The following DBT variants were observed in gnomAD, a reference collection of about 807,000 sequenced individuals.
DBT encodes the protein lipoamide acyltransferase component of branched-chain alpha-keto acid dehydrogenase complex, mitochondrial.
In DBT, 40 loss-of-function variants were observed where a neutral mutation model predicts 51.3. That is an observed-to-expected ratio of 0.78 (90% CI 0.61 to 1.02). The LOEUF is 1.02. Ranked by LOEUF, DBT falls within the 50% of genes least tolerant of loss-of-function variation. The pLI, the probability that DBT is intolerant of heterozygous loss-of-function variation, is 0.00. For synonymous variants in DBT, 181 were observed against 190.4 expected (o/e 0.95, Z 0.41); for missense variants, 510 against 580.2 (o/e 0.88, Z 1.24).
At chr1:100,216,871 CT>C (rs1662525586) in intron 5 of DBT, among the ~76,000 whole-genome samples, 1 of 152,064 alleles carries the variant, frequency 6.6e-6, no homozygotes, top group South Asian at 2.1e-4. Context: ...AACATAAAAG[CT>C]TGGAATGATC....
intron 4 of DBT, among the ~76,000 whole-genome samples, chr1:100,223,875 AT>A (rs1436635633): frequency 1.3e-5 from 2 of 151,992 alleles, no homozygotes; most frequent in African/African-American, 4.8e-5. Context: ...TCAACTTGTC[AT>A]TTTTTTTAAT....
chr1:100,236,961 G>A (rs1027093530), intron 2 of DBT, among the ~76,000 whole-genome samples: 16 of 152,226 alleles, frequency 1.1e-4, no homozygotes, highest in Admixed American at 8.5e-4. Context: ...TCCTAAAGGT[G>A]ATCAGGACCC....
chr1:100,215,525 C>T (rs1662423803), intron 6 of DBT, among the ~76,000 whole-genome samples: 1 of 152,100 alleles, frequency 6.6e-6, no homozygotes, highest in East Asian at 1.9e-4. Flanking sequence ...GCTATTTCAC[C>T]ATTTAAAAAT....
Position 100,240,876 on chromosome 1 carries a change from A to G in DBT, c.60T>C (p.Val20=). ...WSRNAGKLIC[V]RYFQTCGNVH... is the part of the protein sequence containing the mutation. ...CATTACCACATGTTTGAAAATAGCG[A>G]ACACAAATCTACAGATGAGAAAACA... Residue 20 remains valine, a synonymous_variant, in exon 2 of 11, where the codon GTT becomes GTC. Coordinates refer to ENST00000370132, the MANE Select transcript of DBT (RefSeq NM_001918.5). 1 of 1,613,592 alleles carries G rather than the reference A, an allele frequency of 6.2e-7. No individual in the cohort carries two copies. Among genetic ancestry groups the G allele is most frequent in the Non-Finnish European group, 8.5e-7 (1 of 1,179,628 alleles).
chr1:100,199,137 T>A (rs923697234), intron 10 of DBT, among the ~76,000 whole-genome samples: 1 of 152,182 alleles, frequency 6.6e-6, no homozygotes, highest in Non-Finnish European at 1.5e-5. Context: ...AGCTCCCGTA[T>A]GATTCTAACA....
In DBT at chr1:100,196,256, C is replaced by T. The variant is rs121965000; in HGVS notation, c.1448G>A (p.Ter483=). The change falls in exon 11 of 11, where the codon TGA becomes TAA. Residue 483 remains the stop codon, a stop_retained_variant. Coordinates refer to ENST00000370132, the MANE Select transcript of DBT (RefSeq NM_001918.5). ...AGTTCAAGAATGTCTTATCAGTCTT[C>T]ATTTCAGATCTAGTAGCATAAAAGC... ...NPAFMLLDLK[*] is the part of the protein sequence containing the mutation. 6.2e-7 allele frequency: 1 copy of T among 1,613,580 alleles called. No homozygotes were observed. Among genetic ancestry groups the T allele is most frequent in the South Asian group, 1.1e-5 (1 of 91,054 alleles).
chr1:100,225,026 A>AAAG (rs1663088711), intron 4 of DBT, among the ~76,000 whole-genome samples: 1 of 82,566 alleles, frequency 1.2e-5, no homozygotes, highest in African/African-American at 5.3e-5. Context: ...TCCCCCCAAA[A>AAAG]AAAAAAAAAA....
chr1:100,218,431 G>C (rs1267675853), intron 5 of DBT, among the ~76,000 whole-genome samples, 195 bp downstream of exon 5: 1 of 152,160 alleles, frequency 6.6e-6, no homozygotes, highest in Non-Finnish European at 1.5e-5. Flanking sequence ...CTGCTCAATT[G>C]ATAGTAAGTA....
intron 10 of DBT, among the ~76,000 whole-genome samples, chr1:100,200,429 C>G (rs1434287809): frequency 6.6e-6 from 1 of 152,220 alleles, no homozygotes; most frequent in African/African-American, 2.4e-5. Context: ...GATAAAACTC[C>G]CATCTCCCTG....
intron 10 of DBT, among the ~76,000 whole-genome samples, chr1:100,204,147 G>C (rs759461959): frequency 6.6e-6 from 1 of 152,154 alleles, no homozygotes; most frequent in African/African-American, 2.4e-5. Context: ...TCTATAGGAA[G>C]AGAGGAAGTC....
intron 2 of DBT, among the ~76,000 whole-genome samples, chr1:100,236,586 A>G (rs1663881734): frequency 6.6e-6 from 1 of 152,214 alleles, no homozygotes; most frequent in African/African-American, 2.4e-5. Flanking sequence ...GTCCTCTCAC[A>G]GCTTGCTGAT....
chr1:100,213,787 C>T lies in DBT; in HGVS notation c.939+1030G>A, dbSNP rs1414371631. ...ACTGTTTTGTAAAGCGAGGTGGGAC[C>T]GATGTGGCACACGCCAGCTGCGGTT... is the stretch of plus-strand genomic sequence containing the variant. On this transcript the variant is annotated intron_variant, in intron 7 of 10. Coordinates refer to ENST00000370132, the MANE Select transcript of DBT (RefSeq NM_001918.5). 4 of 1,452,460 alleles carry T rather than the reference C, an allele frequency of 2.8e-6. No homozygotes were observed. The East Asian group carries it at 7.5e-5, about 27-fold the overall frequency. 90.0% of individuals were successfully genotyped at this position (1,452,460 alleles called of 1,614,324 possible). A position where few individuals can be genotyped will look rare whatever the true frequency, so the allele number is the denominator to read the frequency against.
intron 2 of DBT, among the ~76,000 whole-genome samples, chr1:100,238,237 C>T (rs1002989177): frequency 5.1e-5 from 7 of 137,154 alleles, no homozygotes; most frequent in Admixed American, 1.5e-4. Context: ...TCCCTTCCTT[C>T]CCTCACTTCC....
At chr1:100,232,495 CTA>C (rs781013908) in intron 3 of DBT, among the ~76,000 whole-genome samples, 12 of 152,120 alleles carry the variant, frequency 7.9e-5, no homozygotes, top group Non-Finnish European at 1.6e-4. Context: ...AAAAAAAATC[CTA>C]TCTGATTTAC....
At position 100,196,246 on chromosome 1, in the gene DBT, T is replaced by C. The variant is rs1347796492; in HGVS notation, c.*9A>G. Reference sequence around the variant, plus strand: ...AAGCTCAAAAAGTTCAAGAATGTCTTATCAGTCTTCATTTCAGATCTAGTA... The same window carrying C: ...AAGCTCAAAAAGTTCAAGAATGTCTCATCAGTCTTCATTTCAGATCTAGTA... On this transcript the variant is annotated 3_prime_UTR_variant, in exon 11 of 11. Transcript: ENST00000370132. 1 of 1,612,778 alleles carries C rather than the reference T, an allele frequency of 6.2e-7. No homozygotes were observed. Among genetic ancestry groups the C allele is most frequent in the Non-Finnish European group, 8.5e-7 (1 of 1,179,058 alleles).
At chr1:100,217,126 A>G (rs1662542449) in intron 5 of DBT, among the ~76,000 whole-genome samples, 1 of 152,172 alleles carries the variant, frequency 6.6e-6, no homozygotes, top group Non-Finnish European at 1.5e-5. Context: ...AAAAAAGATG[A>G]TTTCTGATAA....
At position 100,216,114 on chromosome 1, in the gene DBT, C is replaced by G. The variant is rs1387446382; in HGVS notation, c.641G>C (p.Gly214Ala). 6.2e-7 allele frequency: 1 copy of G among 1,613,872 alleles called. No individual in the cohort carries two copies. Among genetic ancestry groups the G allele is most frequent in the Non-Finnish European group, 8.5e-7 (1 of 1,179,824 alleles). ...DILNYLEKQT[G>A]AILPPSPKVE... ...TTTGGGTGAAGGAGGCAATATAGCTCCTGTCTGCTTTTCCAAATAGTTGAG... is the reference window on the plus strand; with the variant it reads ...TTTGGGTGAAGGAGGCAATATAGCTGCTGTCTGCTTTTCCAAATAGTTGAG... The change falls in exon 6 of 11, where the codon GGA becomes GCA. Residue 214 changes from glycine to alanine, a missense_variant. Gly to Ala is a moderately conservative substitution (Grantham distance 60, BLOSUM62 0). Coordinates refer to ENST00000370132, the MANE Select transcript of DBT (RefSeq NM_001918.5).
intron 10 of DBT, 30 bp from the exon 11 acceptor site, chr1:100,196,452 A>T: frequency 2.0e-6 from 3 of 1,521,956 alleles, no homozygotes; most frequent in Non-Finnish European, 1.8e-6. Context: ...AAAAAAAAAA[A>T]AAAAAAAGAA....
At chr1:100,243,086 C>T (rs1664316076) in intron 1 of DBT, among the ~76,000 whole-genome samples, 2 of 151,366 alleles carry the variant, frequency 1.3e-5, no homozygotes, top group East Asian at 2.0e-4. Flanking sequence ...GTCAACATGA[C>T]GAGACCCCCT....
Sources: allele counts gnomAD v4.1 joint callset (sites outside exome capture counted in the v4.1 genomes callset), GRCh38; gene constraint gnomAD v4.1.1; transcripts MANE v1.5; gene names NCBI Gene and HGNC (gene_info 2026-07-23, HGNC 2026-07-21).